Variants in DNAH1 observed in about 807,000 individuals in gnomAD.
DNAH1 encodes the protein axonemal beta dynein heavy chain 1.
Under a neutral mutation model 484.3 loss-of-function variants are expected in DNAH1, and 327 were observed. The ratio of observed to expected loss-of-function variants is 0.68; its 90% CI spans 0.62 to 0.74. DNAH1 has a LOEUF of 0.74. DNAH1 is among the 30% of genes least tolerant of loss of function. The pLI is 0.00. For missense variants in DNAH1, 5,052 were observed against 5,546.8 expected (o/e 0.91, Z 2.83); for synonymous variants, 2,192 against 2,191.9 (o/e 1.00, Z 0.00).
rs546135785 is a variant in DNAH1, at chr3:52,350,016, C to T, written c.2554C>T (p.Arg852Cys). 3.7e-5 allele frequency: 60 copies of T among 1,612,608 alleles called. No individual in the cohort carries two copies. Among genetic ancestry groups the T allele is most frequent in the African/African-American group, 2.9e-4 (22 of 75,020 alleles). The change falls in exon 15 of 78, where the codon CGC becomes TGC. Residue 852 changes from arginine (R) to cysteine (C), a missense_variant. Transcript: ENST00000420323. Reference protein sequence around the residue: ...SICEEFRSISRKIYEKPNSIE... With the variant: ...SICEEFRSISCKIYEKPNSIE... ...CTGCGAGGAGTTCCGCAGCATCAGCCGCAAGATCTATGAGAAGCCCAACAG... is the reference window on the plus strand; with the variant it reads ...CTGCGAGGAGTTCCGCAGCATCAGCTGCAAGATCTATGAGAAGCCCAACAG...
chr3:52,332,257 G>T lies in DNAH1; in HGVS notation c.1149G>T (p.Lys383Asn). 1 of 1,614,036 alleles carries T rather than the reference G, an allele frequency of 6.2e-7. No homozygotes were observed. The highest frequency in any genetic ancestry group is 8.5e-7 in the Non-Finnish European group (1 of 1,179,888). Reference sequence around the variant, plus strand: ...TGGTCCAGGCCAACGCCCTGCGCAAGAACACGGAAGCACTGCTGCTCTACA... The same window carrying T: ...TGGTCCAGGCCAACGCCCTGCGCAATAACACGGAAGCACTGCTGCTCTACA... The part of the protein sequence containing the change: ...QRVVQANALR[K>N]NTEALLLYNL... Residue 383 changes from lysine (K) to asparagine (N), a missense_variant, in exon 8 of 78, where the codon AAG becomes AAT. By Grantham distance (94) the Lys-to-Asn change is moderately conservative (BLOSUM62 0). Coordinates refer to ENST00000420323, the MANE Select transcript of DNAH1 (RefSeq NM_015512.5).
chr3:52,312,898 C>T (rs945302812), upstream of DNAH1, among the ~76,000 whole-genome samples: 11 of 152,002 alleles, frequency 7.2e-5, no homozygotes, highest in South Asian at 1.2e-3. Flanking sequence ...GTGATCTGCC[C>T]GCCTCAGCCT....
intron 50 of DNAH1, among the ~76,000 whole-genome samples, chr3:52,382,885 C>T (rs1703917968): frequency 6.6e-6 from 1 of 152,216 alleles, no homozygotes; most frequent in Admixed American, 6.5e-5. Context: ...GGCTGGTGGT[C>T]AGGGTTGGGC....
rs1703179497 is a variant in DNAH1, at chr3:52,368,545, G to A, written c.5766-196G>A. Reference sequence around the variant, plus strand: ...CTTTAATGGGGCTTCAGCAGGGCAGGGACATAAGCACATGTTTTCATTACA... The same window carrying A: ...CTTTAATGGGGCTTCAGCAGGGCAGAGACATAAGCACATGTTTTCATTACA... On this transcript the variant is annotated intron_variant, in intron 36 of 77. Coordinates refer to ENST00000420323, the MANE Select transcript of DNAH1 (RefSeq NM_015512.5). This position sits in a 1 kb window ranked among gnomAD's most constrained non-coding sequence, Gnocchi z 4.4. 6.6e-6 allele frequency among the ~76,000 whole-genome samples: 1 copy of A among 152,096 alleles called. No individual in the cohort carries two copies. The highest frequency in any genetic ancestry group is 1.5e-5 in the Non-Finnish European group (1 of 68,022).
At chr3:52,352,470 C>G (rs1003739367) in intron 17 of DNAH1, 82 bp from the exon 18 acceptor site, 43 of 1,536,008 alleles carry the variant, frequency 2.8e-5, no homozygotes, top group Non-Finnish European at 4.4e-6. Context: ...CCTGGGACCT[C>G]TGGTTCCCTG....
Position 52,392,597 on chromosome 3 carries a change from T to C in DNAH1, c.10186T>C (p.Tyr3396His), listed in dbSNP as rs1222322770. 9.3e-6 allele frequency: 15 copies of C among 1,613,914 alleles called. No individual in the cohort carries two copies. The highest frequency in any genetic ancestry group is 1.2e-5 in the Non-Finnish European group (14 of 1,179,870). ...ELKDIEDQILYRLSSSEGNPV... is the reference protein window; with the variant it reads ...ELKDIEDQILHRLSSSEGNPV... ...GAAGGACATTGAGGACCAGATCCTGTACCGGCTCAGCTCCTCCGAGGGCAA... is the reference window on the plus strand; with the variant it reads ...GAAGGACATTGAGGACCAGATCCTGCACCGGCTCAGCTCCTCCGAGGGCAA... Residue 3396 changes from tyrosine (Y) to histidine (H), a missense_variant, in exon 64 of 78, where the codon TAC (tyrosine) becomes CAC (histidine). By Grantham distance (83) the Tyr-to-His change is moderately conservative. Transcript: ENST00000420323.
intron 46 of DNAH1, among the ~76,000 whole-genome samples, chr3:52,376,412 G>T (rs1559548710): frequency 6.6e-6 from 1 of 152,190 alleles, no homozygotes; most frequent in Non-Finnish European, 1.5e-5. Context: ...TGCAGTCCCT[G>T]TCCTTGCCCA....
chr3:52,378,587 C>T lies in DNAH1; in HGVS notation c.7199-15C>T. The stretch of plus-strand genomic sequence containing the variant: ...CTCCTGGCATGTGACCCAGGCCATT[C>T]TCCTATTCCCCCAGCTGGGGCCCCC... On this transcript the variant is annotated splice_polypyrimidine_tract_variant and intron_variant, in intron 46 of 77. Coordinates refer to ENST00000420323, the MANE Select transcript of DNAH1 (RefSeq NM_015512.5). 1 of 1,612,808 alleles carries T rather than the reference C, an allele frequency of 6.2e-7. No homozygotes were observed. The highest frequency in any genetic ancestry group is 8.5e-7 in the Non-Finnish European group (1 of 1,179,542).
Position 52,390,923 on chromosome 3 carries a change from G to T in DNAH1, c.9622-12G>T, listed in dbSNP as rs1432135063. On this transcript the variant is annotated splice_polypyrimidine_tract_variant and intron_variant, in intron 60 of 77. Transcript: ENST00000420323. ...AAAGCTCTGACCCAGTCCAGTGCCT[G>T]GCTCTCCACAGATCGCTGGCCTCCC... 6.4e-7 allele frequency: 1 copy of T among 1,551,638 alleles called. No homozygotes were observed. Among genetic ancestry groups the T allele is most frequent in the South Asian group, 1.2e-5 (1 of 84,030 alleles).
Position 52,358,798 on chromosome 3 carries a change from C to G in DNAH1, c.4266+61C>G, listed in dbSNP as rs954113946. 6.3e-7 allele frequency: 1 copy of G among 1,589,670 alleles called. No homozygotes were observed. The highest frequency in any genetic ancestry group is 8.6e-7 in the Non-Finnish European group (1 of 1,167,922). On this transcript the variant is annotated intron_variant, in intron 25 of 77. Coordinates refer to ENST00000420323, the MANE Select transcript of DNAH1 (RefSeq NM_015512.5). The surrounding 1 kb of genome is among the most constrained non-coding windows in gnomAD (Gnocchi z 4.2). ...TGCACCCCTCTGCTCCCTCTCAGTG[C>G]CCCTCCTGCTCTAGCCGGCCTCGTC...
At chr3:52,348,780 A>G (rs1430391119) in intron 12 of DNAH1, 108 bp from the exon 13 acceptor site, 3 of 1,248,146 alleles carry the variant, frequency 2.4e-6, no homozygotes, top group Admixed American at 1.9e-5. Flanking sequence ...TTCAGGCCAC[A>G]TCCTGCCCCT....
upstream of DNAH1, among the ~76,000 whole-genome samples, chr3:52,311,632 G>A (rs1221306579): frequency 1.3e-5 from 2 of 152,164 alleles, no homozygotes; most frequent in Non-Finnish European, 2.9e-5. Context: ...CCCCAGCTGC[G>A]TGTATCCTGA....
rs116519201 is a variant in DNAH1, at chr3:52,390,693, C to G, written c.9622-242C>G. 3.5e-3 allele frequency among the ~76,000 whole-genome samples: 534 copies of G among 152,282 alleles called. 2 individuals are homozygous for G. Among genetic ancestry groups the G allele is most frequent in the African/African-American group, 0.012 (512 of 41,550 alleles). On this transcript the variant is annotated intron_variant, in intron 60 of 77. Coordinates refer to ENST00000420323, the MANE Select transcript of DNAH1 (RefSeq NM_015512.5). ...TCTGTCCATCTGGGGCCATCAGTGTCCTTGGGCCTGTGCTCTCTCAGGGGC... is the reference window on the plus strand; with the variant it reads ...TCTGTCCATCTGGGGCCATCAGTGTGCTTGGGCCTGTGCTCTCTCAGGGGC...
chr3:52,398,736 TCTTAGCCTCTATGTTTTG>T (rs1704754529), intron 75 of DNAH1, 96 bp from the exon 76 acceptor site: 1 of 926,224 alleles, frequency 1.1e-6, no homozygotes, highest in Non-Finnish European at 1.6e-6. Context: ...AGCTCTCTGC[TCTTAGCCTCTATGTTTTG>T]CCATTGTTTT....
rs1042700545 is a variant in DNAH1 at position 52,393,595 on chromosome 3, A to G, written c.10626+110A>G. On this transcript the variant is annotated intron_variant, in intron 66 of 77. Transcript: ENST00000420323. ...CCAGGCATGAAGGCACCGCGAGAGC[A>G]AAGTGGCAGAGGAAACAATTCCTTG... 8.8e-6 allele frequency: 13 copies of G among 1,470,262 alleles called. No individual in the cohort carries two copies. The South Asian group carries it at 1.5e-4, about 17-fold the overall frequency. 91.1% of individuals were successfully genotyped at this position (1,470,262 alleles called of 1,614,324 possible).
chr3:52,314,545 G>A (rs571340389), upstream of DNAH1, among the ~76,000 whole-genome samples: 4 of 152,324 alleles, frequency 2.6e-5, no homozygotes, highest in South Asian at 8.3e-4. Context: ...TCATTTCTAT[G>A]GGTCTTTCCT....
chr3:52,351,966 A>G lies in DNAH1; in HGVS notation c.2734A>G (p.Ile912Val). The change falls in exon 17 of 78, where the codon ATT becomes GTT. Residue 912 changes from isoleucine (I) to valine (V), a missense_variant. This residue lies in a region of DNAH1 where 1,263 missense variants were observed against 1,218.8 expected (regional missense o/e 1.04). Coordinates refer to ENST00000420323, the MANE Select transcript of DNAH1 (RefSeq NM_015512.5). ...LSSDDFNDKWIASNWPSKILG... is the reference protein window; with the variant it reads ...LSSDDFNDKWVASNWPSKILG... ...CCCCACCCCCATCCCGGCCAGATGG[A>G]TTGCCAGCAACTGGCCTTCTAAGAT... 2 of 1,601,696 alleles carry G rather than the reference A, an allele frequency of 1.2e-6. No individual in the cohort carries two copies. The highest frequency in any genetic ancestry group is 4.5e-5 in the East Asian group (2 of 44,408).
At chr3:52,376,163 C>T (rs1703592452) in intron 46 of DNAH1, among the ~76,000 whole-genome samples, 170 bp downstream of exon 46, 1 of 152,180 alleles carries the variant, frequency 6.6e-6, no homozygotes, top group East Asian at 1.9e-4. Flanking sequence ...GCACTGGCTG[C>T]CCCATAGGCT....
At position 52,391,176 on chromosome 3, in the gene DNAH1, CAGG is replaced by C. The variant is rs1333802307; in HGVS notation, c.9742_9744del (p.Glu3248del). ...AACCCCTTCTTTTCCCCTTCCCTTA[CAGG>C]AGAAGGACAATGGGCTGGATGTGTT... On this transcript the variant is annotated splice_acceptor_variant and coding_sequence_variant, in exon 62 of 78. Coordinates refer to ENST00000420323, the MANE Select transcript of DNAH1 (RefSeq NM_015512.5). LOFTEE classifies it high-confidence loss of function. 1 of 1,613,888 alleles carries C rather than the reference CAGG, an allele frequency of 6.2e-7. No homozygotes were observed. Among genetic ancestry groups the C allele is most frequent in the Non-Finnish European group, 8.5e-7 (1 of 1,179,816 alleles).
Sources: allele counts gnomAD v4.1 joint callset (sites outside exome capture counted in the v4.1 genomes callset), GRCh38; gene constraint gnomAD v4.1.1; regional missense constraint gnomAD v4.1.1; non-coding constraint Gnocchi (gnomAD v3.1); transcripts MANE v1.5; gene names NCBI Gene and HGNC (gene_info 2026-07-23, HGNC 2026-07-21).